BCR: variants seen among roughly 807,000 people sequenced by gnomAD.
BCR encodes BCR activator of RhoGEF and GTPase, also known as breakpoint cluster region protein.
In BCR, 58 loss-of-function variants were observed where a neutral mutation model predicts 138.6. That is an observed-to-expected ratio of 0.42 (90% CI 0.34 to 0.52). The LOEUF is 0.52. Among genes scored for constraint, BCR ranks in the 20% least tolerant of loss-of-function variants. The pLI, the probability that BCR is intolerant of heterozygous loss-of-function variation, is 0.06. For synonymous variants in BCR, 786 were observed against 730.1 expected (o/e 1.08, Z -1.23); for missense variants, 1,599 against 1,727.2 (o/e 0.93, Z 1.32).
chr22:23,295,852 C>T (rs1246196405), intron 16 of BCR, among the ~76,000 whole-genome samples: 1 of 152,172 alleles, frequency 6.6e-6, no homozygotes, highest in African/African-American at 2.4e-5. Context: ...TGTTCCCACC[C>T]TCACAATTGC....
At chr22:23,263,082 G>A (rs965867687) in intron 4 of BCR, 7 of 714,256 alleles carry the variant, frequency 9.8e-6, no homozygotes, top group Non-Finnish European at 1.3e-5. Context: ...GCCGGGAAGA[G>A]TACAAGGACA....
At chr22:23,286,407 C>G in intron 10 of BCR, among the ~76,000 whole-genome samples, 1 of 152,194 alleles carries the variant, frequency 6.6e-6, no homozygotes, top group Non-Finnish European at 1.5e-5. Context: ...CTGCTGTACC[C>G]AAACCCAGCA....
At chr22:23,250,125 C>G (rs891637020) in intron 1 of BCR, among the ~76,000 whole-genome samples, 1 of 152,212 alleles carries the variant, frequency 6.6e-6, no homozygotes, top group Non-Finnish European at 1.5e-5. Flanking sequence ...TGTGGCTTCG[C>G]ACATGTGGAG....
At chr22:23,288,555 C>G (rs1184429984) in intron 12 of BCR, among the ~76,000 whole-genome samples, 1 of 152,066 alleles carries the variant, frequency 6.6e-6, no homozygotes, top group Admixed American at 6.5e-5. Flanking sequence ...GACCCTGCCA[C>G]CACCCCATTT....
chr22:23,257,172 C>G (rs1246528135), intron 2 of BCR, among the ~76,000 whole-genome samples: 1 of 152,144 alleles, frequency 6.6e-6, no homozygotes, highest in Non-Finnish European at 1.5e-5. Context: ...CTGTCTGATG[C>G]CATCAGCACT....
At chr22:23,245,948 A>C (rs2073152872) in intron 1 of BCR, among the ~76,000 whole-genome samples, 1 of 152,172 alleles carries the variant, frequency 6.6e-6, no homozygotes. Flanking sequence ...GTCACCCCAG[A>C]AGGAAACCCC....
intron 1 of BCR, among the ~76,000 whole-genome samples, chr22:23,200,616 G>A (rs9624054): frequency 0.022 from 3,394 of 152,116 alleles, 117 homozygotes; most frequent in African/African-American, 0.077. Flanking sequence ...GGAGTGCAGT[G>A]GTGCGATCAT....
At chr22:23,262,981 A>AGG (rs2073385203) in intron 4 of BCR, 17 of 864,562 alleles carry the variant, frequency 2.0e-5, no homozygotes, top group Non-Finnish European at 2.7e-5. Flanking sequence ...AAAGGAGATG[A>AGG]GGGGAGCGTA....
chr22:23,242,485 G>A (rs1194307920), intron 1 of BCR, among the ~76,000 whole-genome samples: 1 of 152,094 alleles, frequency 6.6e-6, no homozygotes, highest in East Asian at 1.9e-4. Flanking sequence ...TAGCCATCCG[G>A]TGTATTTTGG....
intron 1 of BCR, among the ~76,000 whole-genome samples, chr22:23,231,826 G>T (rs777763174): frequency 4.6e-5 from 7 of 152,246 alleles, no homozygotes; most frequent in Non-Finnish European, 1.0e-4. Context: ...TTTAGTGGGA[G>T]AATTTTGTTT....
chr22:23,261,470 A>C lies in BCR; in HGVS notation c.1682A>C (p.Tyr561Ser). Residue 561 changes from tyrosine (Y) to serine (S), a missense_variant, in exon 4 of 23, where the codon TAT becomes TCT. By Grantham distance (144) the Tyr-to-Ser change is moderately radical. Around this residue, in one of 4 missense-constraint regions of BCR, gnomAD observed 590 missense variants for 762.4 expected, o/e 0.77. Coordinates refer to ENST00000305877, the MANE Select transcript of BCR (RefSeq NM_004327.4). ...CTCTACGAGATCCACAAGGAGTTCT[A>C]TGATGGGCTCTTCCCCCGCGTGCAG... ...PELYEIHKEFYDGLFPRVQQW... is the reference protein window; with the variant it reads ...PELYEIHKEFSDGLFPRVQQW... The C allele has an allele frequency of 6.2e-7, 1 of 1,613,774 alleles. No homozygotes were observed. Among genetic ancestry groups the C allele is most frequent in the Non-Finnish European group, 8.5e-7 (1 of 1,180,002 alleles).
intron 1 of BCR, among the ~76,000 whole-genome samples, chr22:23,252,121 TACTC>T (rs897159861): frequency 3.3e-5 from 5 of 152,158 alleles, no homozygotes; most frequent in Non-Finnish European, 7.4e-5. Context: ...CTCCTGCGGG[TACTC>T]ACATTGGGGT....
intron 1 of BCR, among the ~76,000 whole-genome samples, chr22:23,201,455 T>TTTTTTG (rs143548248): frequency 2.6e-5 from 4 of 151,570 alleles, no homozygotes; most frequent in Non-Finnish European, 4.4e-5. Context: ...GTGAATCTGG[T>TTTTTTG]TTTTTTGTTT....
At chr22:23,191,765 G>C (rs1298579927) in intron 1 of BCR, among the ~76,000 whole-genome samples, 2 of 152,306 alleles carry the variant, frequency 1.3e-5, no homozygotes, top group Non-Finnish European at 2.9e-5. Flanking sequence ...TATTTGCTCA[G>C]ACCTTCCCCT....
At chr22:23,220,416 CA>C (rs1386598120) in intron 1 of BCR, among the ~76,000 whole-genome samples, 1 of 152,132 alleles carries the variant, frequency 6.6e-6, no homozygotes, top group Non-Finnish European at 1.5e-5. Flanking sequence ...CTGCCTGGGT[CA>C]TTTGGTTCAG....
intron 21 of BCR, 61 bp downstream of exon 21, chr22:23,314,134 C>G (rs2074039756): frequency 7.5e-7 from 1 of 1,326,888 alleles, no homozygotes; most frequent in South Asian, 1.2e-5. Context: ...GAGTGCCCCT[C>G]TGCTCCCACT....
rs1444992138 is a variant in BCR, at chr22:23,312,987, T to C, written c.3423T>C (p.Thr1141=). 6.3e-7 allele frequency: 1 copy of C among 1,589,172 alleles called. No homozygotes were observed. The highest frequency in any genetic ancestry group is 2.2e-5 in the East Asian group (1 of 44,762). ...YFRELPEPLF[T]DEFYPNFAEG... is the part of the protein sequence containing the mutation. Reference sequence around the variant, plus strand: ...GTGAGCTGCCCGAGCCCCTCTTCACTGACGAGTTCTACCCCAACTTCGCAG... The same window carrying C: ...GTGAGCTGCCCGAGCCCCTCTTCACCGACGAGTTCTACCCCAACTTCGCAG... Residue 1141 remains threonine, a synonymous_variant, in exon 20 of 23, where the codon ACT becomes ACC. Transcript: ENST00000305877.
chr22:23,186,855 C>A (rs922008317), intron 1 of BCR, among the ~76,000 whole-genome samples: 2 of 152,190 alleles, frequency 1.3e-5, no homozygotes, highest in African/African-American at 2.4e-5. Context: ...CCTGCTTCAG[C>A]CTCCCGAGTA....
intron 1 of BCR, among the ~76,000 whole-genome samples, chr22:23,194,704 G>T (rs1398724993): frequency 6.6e-6 from 1 of 152,094 alleles, no homozygotes; most frequent in African/African-American, 2.4e-5. Flanking sequence ...GAGCCACTGT[G>T]CCCGGCCGGG....
Sources: gnomAD v4.1 joint callset for allele counts (sites outside exome capture counted in the v4.1 genomes callset) on GRCh38, gnomAD v4.1.1 for gene constraint, gnomAD v4.1.1 regional missense constraint, MANE v1.5 for transcripts, NCBI Gene and HGNC (gene_info 2026-07-23, HGNC 2026-07-21) for gene names.